CAP2: variants seen among roughly 807,000 people sequenced by gnomAD.
The protein encoded by CAP2 is cyclase associated actin cytoskeleton regulatory protein 2.
In CAP2, 24 loss-of-function variants were observed where a neutral mutation model predicts 57.7. The ratio of observed to expected loss-of-function variants is 0.42; its 90% CI spans 0.30 to 0.58. The LOEUF is 0.58. Ranked by LOEUF, CAP2 falls within the 20% of genes least tolerant of loss-of-function variation. The probability of loss-of-function intolerance (pLI) is 0.22; values close to 1 mark genes in which losing one functional copy is unlikely to be tolerated. For missense variants in CAP2, 501 were observed against 590.3 expected (o/e 0.85, Z 1.57); for synonymous variants, 194 against 207.2 (o/e 0.94, Z 0.55).
chr6:17,490,650 G>A (rs375372089), intron 4 of CAP2, among the ~76,000 whole-genome samples: 49 of 152,204 alleles, frequency 3.2e-4, no homozygotes, highest in East Asian at 3.9e-4. Flanking sequence ...TGAGTTTTCG[G>A]TTGTAGTCCT....
chr6:17,432,619 G>T (rs907887741), intron 3 of CAP2, among the ~76,000 whole-genome samples: 2 of 152,122 alleles, frequency 1.3e-5, no homozygotes, highest in Admixed American at 6.5e-5. Flanking sequence ...TTTAAATGGG[G>T]CATCTTCTTT....
At chr6:17,425,821 A>C (rs1288292960) in intron 2 of CAP2, among the ~76,000 whole-genome samples, 1 of 152,192 alleles carries the variant, frequency 6.6e-6, no homozygotes, top group Non-Finnish European at 1.5e-5. Flanking sequence ...AGATCCGGGC[A>C]TGGTGGCTCA....
intron 4 of CAP2, among the ~76,000 whole-genome samples, chr6:17,476,134 A>G (rs1474094733): frequency 1.3e-5 from 2 of 152,252 alleles, no homozygotes; most frequent in Non-Finnish European, 2.9e-5. Context: ...GACAAACTAT[A>G]CATCATACAA....
At chr6:17,502,776 T>C (rs1561807172) in intron 4 of CAP2, among the ~76,000 whole-genome samples, 1 of 152,216 alleles carries the variant, frequency 6.6e-6, no homozygotes, top group Non-Finnish European at 1.5e-5. Context: ...ACAATACAGA[T>C]ATTCTGGCCT....
chr6:17,449,100 C>T (rs939963479), intron 3 of CAP2, among the ~76,000 whole-genome samples: 17 of 152,118 alleles, frequency 1.1e-4, no homozygotes, highest in African/African-American at 2.7e-4. Flanking sequence ...TATTTCTTCA[C>T]GTGTTACACC....
chr6:17,524,056 C>T (rs1762445684), intron 7 of CAP2, among the ~76,000 whole-genome samples: 1 of 126,752 alleles, frequency 7.9e-6, no homozygotes, highest in South Asian at 2.5e-4. Context: ...AGCCTGGTGA[C>T]AGAGAAAGAC....
rs542720641 is a variant in CAP2 at position 17,418,042 on chromosome 6, C to T, written c.-1-3513C>T. ...CTAAATCCACTTTGGAATGCTAAGG[C>T]GGATGGGACTGCCTGGGAAGAATTT... On this transcript the variant is annotated intron_variant, in intron 1 of 12. Coordinates refer to ENST00000229922, the MANE Select transcript of CAP2 (RefSeq NM_006366.3). Among the ~76,000 whole-genome samples the T allele has an allele frequency of 1.4e-4, 21 of 152,260 alleles. 1 individual carries two copies. Among genetic ancestry groups the T allele is most frequent in the Non-Finnish European group, 2.5e-4 (17 of 68,032 alleles).
intron 11 of CAP2, among the ~76,000 whole-genome samples, chr6:17,543,814 T>C (rs1330434598): frequency 1.3e-5 from 2 of 151,882 alleles, no homozygotes; most frequent in African/African-American, 2.4e-5. Flanking sequence ...ATTACTGGCA[T>C]ACCATCTCAA....
At chr6:17,485,828 T>C (rs114098464) in intron 4 of CAP2, among the ~76,000 whole-genome samples, 2,250 of 152,280 alleles carry the variant, frequency 0.015, 58 homozygotes, top group African/African-American at 0.05. Flanking sequence ...TACCTCTCCA[T>C]GGCAGGCTCT....
intron 3 of CAP2, among the ~76,000 whole-genome samples, chr6:17,435,728 A>C (rs1426187450): frequency 2.0e-4 from 29 of 141,982 alleles, no homozygotes; most frequent in South Asian, 4.2e-4. Context: ...AAAAAAAAAA[A>C]AAAACAAAAA....
chr6:17,441,828 G>A (rs4576250), intron 3 of CAP2, among the ~76,000 whole-genome samples: 95,935 of 152,004 alleles, frequency 0.63, 31,405 homozygotes, highest in East Asian at 0.84. Flanking sequence ...GTTAAACTAC[G>A]GCCAACAGAT....
At chr6:17,450,069 T>A (rs1181717653) in intron 3 of CAP2, among the ~76,000 whole-genome samples, 1 of 151,828 alleles carries the variant, frequency 6.6e-6, no homozygotes, top group African/African-American at 2.4e-5. Flanking sequence ...TTTTTTTTTT[T>A]AAGACTGGGT....
chr6:17,397,769 C>T (rs1758708698), intron 1 of CAP2, among the ~76,000 whole-genome samples: 1 of 150,370 alleles, frequency 6.7e-6, no homozygotes, highest in East Asian at 2.0e-4. Flanking sequence ...GGCAAATATT[C>T]CATGATTTAT....
At chr6:17,421,494 G>A (rs1485091456) in intron 1 of CAP2, 61 bp from the exon 2 acceptor site, 1 of 1,583,376 alleles carries the variant, frequency 6.3e-7, no homozygotes, top group Non-Finnish European at 8.7e-7. Context: ...GACTGATGGT[G>A]TTGGTTTACT....
At chr6:17,544,043 T>C (rs1762977072) in intron 11 of CAP2, among the ~76,000 whole-genome samples, 1 of 148,714 alleles carries the variant, frequency 6.7e-6, no homozygotes. Flanking sequence ...GAGAATCACT[T>C]GAACCTGGGA....
chr6:17,517,281 T>C (rs1762292851), intron 7 of CAP2, among the ~76,000 whole-genome samples: 2 of 152,228 alleles, frequency 1.3e-5, no homozygotes, highest in Admixed American at 6.5e-5. Flanking sequence ...GCCTGTTAAT[T>C]CTCTAATGGT....
chr6:17,454,957 G>A (rs1203787932), intron 3 of CAP2, among the ~76,000 whole-genome samples: 1 of 152,130 alleles, frequency 6.6e-6, no homozygotes, highest in Non-Finnish European at 1.5e-5. Flanking sequence ...AACGAAATGA[G>A]CCCCTTCGGA....
At chr6:17,468,011 AATG>A (rs1760915002) in intron 4 of CAP2, among the ~76,000 whole-genome samples, 2 of 151,942 alleles carry the variant, frequency 1.3e-5, no homozygotes, top group African/African-American at 2.4e-5. Context: ...TCTGTATGTC[AATG>A]ATTTCAATTA....
In CAP2 at chr6:17,426,584, C is replaced by T; in HGVS notation, c.122-6C>T. The T allele has an allele frequency of 6.2e-7, 1 of 1,609,606 alleles. No individual in the cohort carries two copies. ...CAGGGAATAACAAACTGCTCCTTTC[C>T]CCAAGGTGTGGCACCCTCCGTGGAA... On this transcript the variant is annotated splice_polypyrimidine_tract_variant and splice_region_variant and intron_variant, in intron 2 of 12. Coordinates refer to ENST00000229922, the MANE Select transcript of CAP2 (RefSeq NM_006366.3).
Sources: allele counts gnomAD v4.1 joint callset (sites outside exome capture counted in the v4.1 genomes callset), GRCh38; gene constraint gnomAD v4.1.1; transcripts MANE v1.5; gene names NCBI Gene and HGNC (gene_info 2026-07-23, HGNC 2026-07-21).